Variants in DPP10 observed in about 807,000 individuals in gnomAD.
DPP10 encodes inactive dipeptidyl peptidase 10.
A neutral mutation model predicts 120.9 loss-of-function variants in DPP10; 33 were observed. The ratio of observed to expected loss-of-function variants is 0.27; its 90% CI spans 0.21 to 0.37. DPP10 has a LOEUF of 0.37. Among genes scored for constraint, DPP10 ranks in the 10% least tolerant of loss-of-function variants. The probability of loss-of-function intolerance (pLI) is 1.00; values close to 1 mark genes in which losing one functional copy is unlikely to be tolerated. For synonymous variants in DPP10, 337 were observed against 326.1 expected (o/e 1.03, Z -0.36); for missense variants, 816 against 942.8 (o/e 0.87, Z 1.76).
chr2:114,461,889 A>G, intron 1 of DPP10: 1 of 985,490 alleles, frequency 1.0e-6, no homozygotes, highest in Non-Finnish European at 1.2e-6. Context: ...ACAGGTGGAG[A>G]GAGGGAGGGA....
chr2:115,341,459 A>G (rs1284106106), intron 2 of DPP10, among the ~76,000 whole-genome samples: 1 of 152,116 alleles, frequency 6.6e-6, no homozygotes. Context: ...ATATTGACAC[A>G]TCATTGTCAC....
At chr2:115,452,566 C>G (rs1299697238) in intron 3 of DPP10, among the ~76,000 whole-genome samples, 1 of 151,938 alleles carries the variant, frequency 6.6e-6, no homozygotes, top group African/African-American at 2.4e-5. Flanking sequence ...TGTGATTCTG[C>G]TTGCAAGGTA....
chr2:115,624,920 G>T (rs1337001801), intron 5 of DPP10, among the ~76,000 whole-genome samples: 2 of 152,138 alleles, frequency 1.3e-5, no homozygotes, highest in Non-Finnish European at 2.9e-5. Context: ...GGAACAGTTA[G>T]ATGGGGTTAT....
chr2:115,274,103 CTG>C (rs146168246), intron 1 of DPP10, among the ~76,000 whole-genome samples: 17 of 150,246 alleles, frequency 1.1e-4, no homozygotes, highest in Admixed American at 2.7e-4. Context: ...GTGTGTGTGT[CTG>C]TGTGTGTGTG....
intron 1 of DPP10, among the ~76,000 whole-genome samples, chr2:115,227,841 AAATT>A (rs778394416): frequency 6.6e-6 from 1 of 151,656 alleles, no homozygotes; most frequent in African/African-American, 2.4e-5. Context: ...TCTTTTTTCA[AAATT>A]AATTATTTAT....
At chr2:115,377,310 G>A (rs1343522970) in intron 3 of DPP10, among the ~76,000 whole-genome samples, 1 of 152,072 alleles carries the variant, frequency 6.6e-6, no homozygotes, top group Non-Finnish European at 1.5e-5. Flanking sequence ...CAGTGATGGT[G>A]AGCATTTTTT....
At chr2:114,658,550 G>C (rs1056495803) in intron 1 of DPP10, among the ~76,000 whole-genome samples, 6 of 152,106 alleles carry the variant, frequency 3.9e-5, no homozygotes, top group African/African-American at 7.2e-5. Context: ...GATCCACTAG[G>C]GTTGGGTTGG....
chr2:115,161,656 G>A (rs1277704901), intron 1 of DPP10: 2 of 279,762 alleles, frequency 7.1e-6, no homozygotes, highest in Non-Finnish European at 1.3e-5. Flanking sequence ...CCCGCCGCTC[G>A]CCGCTGCACT....
At chr2:115,744,901 A>C (rs1282365786) in intron 9 of DPP10, among the ~76,000 whole-genome samples, 1 of 149,936 alleles carries the variant, frequency 6.7e-6, no homozygotes, top group Admixed American at 7.1e-5. Flanking sequence ...TCTCATGTGG[A>C]CTTCTTTAAG....
chr2:115,038,532 C>T (rs1704397786), intron 1 of DPP10, among the ~76,000 whole-genome samples: 2 of 152,060 alleles, frequency 1.3e-5, no homozygotes, highest in Non-Finnish European at 2.9e-5. Context: ...CCACCTCTAC[C>T]TCCCAAAGTG....
chr2:115,004,477 G>A (rs894011883), intron 1 of DPP10, among the ~76,000 whole-genome samples: 8 of 152,188 alleles, frequency 5.3e-5, no homozygotes, highest in Non-Finnish European at 1.2e-4. Context: ...TCACTAGGGA[G>A]TGCCAGACAG....
In DPP10 at chr2:115,666,355, C is replaced by T. The variant is rs556623610; in HGVS notation, c.442-23332C>T. ...TCTTCACAGCGCTGCAAGAAAGAACCAACAGGGGAAACCCTCACTTGTAAA... is the reference window on the plus strand; with the variant it reads ...TCTTCACAGCGCTGCAAGAAAGAACTAACAGGGGAAACCCTCACTTGTAAA... On this transcript the variant is annotated intron_variant, in intron 5 of 25. Coordinates refer to ENST00000410059, the MANE Select transcript of DPP10 (RefSeq NM_020868.6). Among the ~76,000 whole-genome samples, 7 of 152,112 alleles carry T rather than the reference C, an allele frequency of 4.6e-5. No individual in the cohort carries two copies. The East Asian group carries it at 9.7e-4, about 21-fold the overall frequency.
chr2:114,958,999 T>C (rs1025814364), intron 1 of DPP10, among the ~76,000 whole-genome samples: 10 of 152,162 alleles, frequency 6.6e-5, no homozygotes, highest in Admixed American at 6.6e-4. Context: ...CTCTCAGACT[T>C]TTACAAGCTA....
chr2:114,831,710 T>C (rs998734263), intron 1 of DPP10, among the ~76,000 whole-genome samples: 3 of 152,060 alleles, frequency 2.0e-5, no homozygotes, highest in Non-Finnish European at 4.4e-5. Flanking sequence ...TTTAATGCAA[T>C]TGGAGATTAA....
rs541317024 is a variant in DPP10, at chr2:115,845,291, C to T, written c.*2946C>T. On this transcript the variant is annotated 3_prime_UTR_variant, in exon 26 of 26. Transcript: ENST00000410059. ...CACCTTCACATCCTGCGGCCACCAA[C>T]ACTGTATGGATACAATCTGGCCTCT... 1.3e-5 allele frequency: 2 copies of T among 152,386 alleles called. No homozygotes were observed. The highest frequency in any genetic ancestry group is 3.9e-4 in the East Asian group (2 of 5,176). The allele number at this position is 152,386 out of a possible 1,614,324, so 9.4% of individuals were successfully genotyped here.
At chr2:114,763,176 C>A (rs904951936) in intron 1 of DPP10, among the ~76,000 whole-genome samples, 9 of 152,106 alleles carry the variant, frequency 5.9e-5, no homozygotes, top group Admixed American at 5.9e-4. Flanking sequence ...ATACCGCAGG[C>A]CAGTCTGGCT....
intron 5 of DPP10, among the ~76,000 whole-genome samples, chr2:115,645,427 G>C (rs2087156193): frequency 6.6e-6 from 1 of 152,146 alleles, no homozygotes; most frequent in Non-Finnish European, 1.5e-5. Context: ...GTGATACTCA[G>C]GGCTTCCCAA....
At position 115,384,546 on chromosome 2, in the gene DPP10, GGAA is replaced by G. The variant is rs1327845112; in HGVS notation, c.271+40643_271+40645del. ...GAGGAAGAAGAAGAAAGAAGAAGAA[GGAA>G]GAAGAAGAGGAAGAAGAAGAAGAAG... On this transcript the variant is annotated intron_variant, in intron 3 of 25. Coordinates refer to ENST00000410059, the MANE Select transcript of DPP10 (RefSeq NM_020868.6). Among the ~76,000 whole-genome samples the G allele has an allele frequency of 3.3e-4, 30 of 89,780 alleles. No individual in the cohort carries two copies. In the South Asian group the frequency reaches 9.7e-3, roughly 29 times the overall value. The allele number at this position is 89,780 out of a possible 152,430, so 58.9% of individuals were successfully genotyped here.
intron 4 of DPP10, among the ~76,000 whole-genome samples, chr2:115,504,111 C>G (rs532328586): frequency 6.6e-6 from 1 of 152,108 alleles, no homozygotes; most frequent in Admixed American, 6.5e-5. Context: ...CAAAGAAGAC[C>G]AGCATGCATG....
Sources: gnomAD v4.1 joint callset for allele counts (sites outside exome capture counted in the v4.1 genomes callset) on GRCh38, gnomAD v4.1.1 for gene constraint, MANE v1.5 for transcripts, NCBI Gene and HGNC (gene_info 2026-07-23, HGNC 2026-07-21) for gene names.